Variants in UTP3 observed in about 807,000 individuals in gnomAD.
The protein encoded by UTP3 is UTP3 small subunit processome component, also known as something about silencing protein 10.
A neutral mutation model predicts 37.9 loss-of-function variants in UTP3; 19 were observed. The ratio of observed to expected loss-of-function variants is 0.50; its 90% CI spans 0.35 to 0.74. UTP3 has a LOEUF of 0.74. UTP3 is among the 30% of genes least tolerant of loss of function. The pLI is 0.01. For missense variants in UTP3, 504 were observed against 570.7 expected, an observed-to-expected ratio of 0.88 and a Z score of 1.19; for synonymous variants, 242 against 218.5, an observed-to-expected ratio of 1.11 and a Z score of -0.95.
chr4:70,689,406 G>A lies in UTP3; in HGVS notation c.729G>A (p.Glu243=), dbSNP rs1739574912. The change falls in exon 1 of 1, where the codon GAG becomes GAA. Residue 243 remains glutamate (E), a synonymous_variant. Coordinates refer to ENST00000254803, the MANE Select transcript of UTP3 (RefSeq NM_020368.3). ...TCAAGTTGACAGAGGTTAAGGATGA[G>A]CTGGAGCCATTGTTAGAGTTGGTGG... The part of the protein sequence containing the change: ...LKVKLTEVKD[E]LEPLLELVEQ... The A allele has an allele frequency of 3.7e-6, 6 of 1,614,186 alleles. No homozygotes were observed. Among genetic ancestry groups the A allele is most frequent in the South Asian group, 1.1e-5 (1 of 91,088 alleles).
chr4:70,689,221 G>T lies in UTP3; in HGVS notation c.544G>T (p.Gly182Cys). The change falls in exon 1 of 1, where the codon GGT becomes TGT. Residue 182 changes from glycine to cysteine, a missense_variant. Transcript: ENST00000254803. Reference protein sequence around the residue: ...LAQALQEDDFGVAWVEAFAKP... With the variant: ...LAQALQEDDFCVAWVEAFAKP... ...CCAAGCGCTGCAAGAGGATGATTTT[G>T]GTGTCGCCTGGGTTGAGGCCTTTGC... The T allele has an allele frequency of 6.2e-7, 1 of 1,614,138 alleles. No homozygotes were observed. Among genetic ancestry groups the T allele is most frequent in the East Asian group, 2.2e-5 (1 of 44,882 alleles).
In UTP3 at chr4:70,688,902, C is replaced by A. The variant is rs1322183955; in HGVS notation, c.225C>A (p.Gly75=). ...TACAGAGTGGAGACGAGGAGGATGG[C>A]GAGGAGGAGGAGGAGGAGGTGCTAG... The part of the protein sequence containing the change: ...NEVQSGDEED[G]EEEEEEVLAL... Residue 75 remains glycine (G), a synonymous_variant, in exon 1 of 1, where the codon GGC becomes GGA. Transcript: ENST00000254803. 8 of 1,611,348 alleles carry A rather than the reference C, an allele frequency of 5.0e-6. No individual in the cohort carries two copies. In the East Asian group the frequency reaches 1.8e-4, roughly 36 times the overall value.
Position 70,690,372 on chromosome 4 carries a change from C to G in UTP3, c.*255C>G. ...TAAGTATTAGCTTAGGGAAATTTCA[C>G]AGTTCATTGTGGAGTGTTAAACTTA... On this transcript the variant is annotated 3_prime_UTR_variant, in exon 1 of 1. Coordinates refer to ENST00000254803, the MANE Select transcript of UTP3 (RefSeq NM_020368.3). The G allele has an allele frequency of 3.6e-6, 1 of 280,724 alleles. No individual in the cohort carries two copies. The highest frequency in any genetic ancestry group is 6.8e-6 in the Non-Finnish European group (1 of 147,080). The allele number at this position is 280,724 out of a possible 1,614,324, so 17.4% of individuals were successfully genotyped here. A position where few individuals can be genotyped will look rare whatever the true frequency, so the allele number is the denominator to read the frequency against.
rs16845387 is a variant in UTP3, at chr4:70,688,761, T to C, written c.84T>C (p.Asn28=). The stretch of plus-strand genomic sequence containing the variant: ...CAGGTCCCACGCTCACCGACGAAAA[T>C]GGAGATGATTTAGGATTGCCACCCT... ...AKAGPTLTDE[N]GDDLGLPPSP... Residue 28 remains asparagine, a synonymous_variant, in exon 1 of 1, where the codon AAT becomes AAC. Transcript: ENST00000254803. 2,764 of 1,613,438 alleles carry C rather than the reference T, an allele frequency of 1.7e-3. 37 individuals carry two copies. The African/African-American group carries it at 0.03, about 18-fold the overall frequency.
Position 70,689,302 on chromosome 4 carries a change from A to T in UTP3, c.625A>T (p.Lys209Ter). ...GACACGGGTCGTGAAGGATTTGGCT[A>T]AAGTTTCAGTGAAAGAGAAGCTGAA... is the stretch of plus-strand genomic sequence containing the variant. ...AETRVVKDLA[K>*]VSVKEKLKML... is the part of the protein sequence containing the mutation. The change falls in exon 1 of 1, where the codon AAA (lysine) becomes TAA (stop). Residue 209 changes from lysine (K) to a stop codon, truncating the protein, a stop_gained. Coordinates refer to ENST00000254803, the MANE Select transcript of UTP3 (RefSeq NM_020368.3). LOFTEE classifies it high-confidence loss of function. The T allele has an allele frequency of 6.2e-7, 1 of 1,614,204 alleles. No individual in the cohort carries two copies. Among genetic ancestry groups the T allele is most frequent in the Admixed American group, 1.7e-5 (1 of 60,014 alleles).
rs778298651 is a variant in UTP3, at chr4:70,689,690, T to C, written c.1013T>C (p.Ile338Thr). 1.2e-6 allele frequency: 2 copies of C among 1,614,192 alleles called. No homozygotes were observed. Among genetic ancestry groups the C allele is most frequent in the Admixed American group, 1.7e-5 (1 of 60,014 alleles). ...GATGATGCTGTAAAGAAAGAACTGA[T>C]TCCAAAAGCAAAATCCACCAAGCCC... is the stretch of plus-strand genomic sequence containing the variant. The part of the protein sequence containing the change: ...LKDDAVKKEL[I>T]PKAKSTKPKP... Residue 338 changes from isoleucine to threonine, a missense_variant, in exon 1 of 1, where the codon ATT (isoleucine) becomes ACT (threonine). By Grantham distance (89) the Ile-to-Thr change is moderately conservative (BLOSUM62 -1). Transcript: ENST00000254803.
Position 70,689,993 on chromosome 4 carries a change from A to C in UTP3, c.1316A>C (p.Lys439Thr). Residue 439 changes from lysine to threonine, a missense_variant, in exon 1 of 1, where the codon AAG becomes ACG. By Grantham distance (78) the Lys-to-Thr change is moderately conservative. Transcript: ENST00000254803. The stretch of plus-strand genomic sequence containing the variant: ...AATCCCAGAGTGAAACACAGAGAGA[A>C]GTTCAGAAGAGCCAAAATTAGAAGA... ...DRNPRVKHRE[K>T]FRRAKIRRRG... 1.2e-6 allele frequency: 2 copies of C among 1,614,172 alleles called. No individual in the cohort carries two copies. Among genetic ancestry groups the C allele is most frequent in the Non-Finnish European group, 1.7e-6 (2 of 1,180,034 alleles).
At position 70,689,202 on chromosome 4, in the gene UTP3, G is replaced by A. The variant is rs755854738; in HGVS notation, c.525G>A (p.Ala175=). ...TCATTCAGCGGCGCCTAGCCCAAGC[G>A]CTGCAAGAGGATGATTTTGGTGTCG... ...AQIIQRRLAQ[A]LQEDDFGVAW... Residue 175 remains alanine (A), a synonymous_variant, in exon 1 of 1, where the codon GCG becomes GCA. Transcript: ENST00000254803. 15 of 1,614,116 alleles carry A rather than the reference G, an allele frequency of 9.3e-6. No individual in the cohort carries two copies. The East Asian group carries it at 1.3e-4, about 14-fold the overall frequency.
chr4:70,689,041 T>G lies in UTP3; in HGVS notation c.364T>G (p.Ser122Ala). 1 of 1,589,290 alleles carries G rather than the reference T, an allele frequency of 6.3e-7. No homozygotes were observed. The highest frequency in any genetic ancestry group is 8.6e-7 in the Non-Finnish European group (1 of 1,166,820). Residue 122 changes from serine to alanine, a missense_variant, in exon 1 of 1, where the codon TCT (serine) becomes GCT (alanine). Coordinates refer to ENST00000254803, the MANE Select transcript of UTP3 (RefSeq NM_020368.3). ...CTCCGTGCAAAGTGAAGCTGAGGCC[T>G]CTGTGGATCCCAGTTTGTCGTGGGG... ...GSSVQSEAEA[S>A]VDPSLSWGQR...
chr4:70,689,508 G>A lies in UTP3; in HGVS notation c.831G>A (p.Ser277=). ...TKYNLYLNYC[S]NISFYLILKA... is the part of the protein sequence containing the mutation. ...ACAACCTCTACTTGAATTATTGCTC[G>A]AACATCAGTTTTTATTTGATCCTGA... The change falls in exon 1 of 1, where the codon TCG becomes TCA. Residue 277 remains serine (S), a synonymous_variant. Transcript: ENST00000254803. 4 of 1,614,184 alleles carry A rather than the reference G, an allele frequency of 2.5e-6. No individual in the cohort carries two copies. The highest frequency in any genetic ancestry group is 1.1e-5 in the South Asian group (1 of 91,072).
rs752014858 is a variant in UTP3 at position 70,689,869 on chromosome 4, G to A, written c.1192G>A (p.Glu398Lys). Reference sequence around the variant, plus strand: ...GAGAAAGAAAGAAGAAAATAGCACTGAAGAACAGGCTCTTGAAGATCAAAA... The same window carrying A: ...GAGAAAGAAAGAAGAAAATAGCACTAAAGAACAGGCTCTTGAAGATCAAAA... ...LKRKKEENST[E>K]EQALEDQNAK... The change falls in exon 1 of 1, where the codon GAA becomes AAA. Residue 398 changes from glutamate to lysine, a missense_variant. Glu to Lys is a moderately conservative substitution (Grantham distance 56). Coordinates refer to ENST00000254803, the MANE Select transcript of UTP3 (RefSeq NM_020368.3). The A allele has an allele frequency of 6.2e-7, 1 of 1,614,050 alleles. No homozygotes were observed. The highest frequency in any genetic ancestry group is 8.5e-7 in the Non-Finnish European group (1 of 1,180,006).
In UTP3 at chr4:70,689,778, T is replaced by C. The variant is rs1435469031; in HGVS notation, c.1101T>C (p.Asp367=). The stretch of plus-strand genomic sequence containing the variant: ...GTGCTGTTACAGATCTTTCTGATGA[T>C]TCTGATTTTGATGAAAAAGCAAAAC... ...AACAVTDLSD[D]SDFDEKAKLK... Residue 367 remains aspartate, a synonymous_variant, in exon 1 of 1, where the codon GAT becomes GAC. Transcript: ENST00000254803. The C allele has an allele frequency of 6.2e-6, 10 of 1,613,288 alleles. No individual in the cohort carries two copies. Among genetic ancestry groups the C allele is most frequent in the Non-Finnish European group, 1.7e-6 (2 of 1,179,880 alleles).
In UTP3 at chr4:70,689,672, C is replaced by T; in HGVS notation, c.995C>T (p.Ala332Val). Residue 332 changes from alanine to valine, a missense_variant, in exon 1 of 1, where the codon GCT becomes GTT. Transcript: ENST00000254803. ...IRHLLTLKDDAVKKELIPKAK... is the reference protein window; with the variant it reads ...IRHLLTLKDDVVKKELIPKAK... The stretch of plus-strand genomic sequence containing the variant: ...CATCTGTTGACACTTAAGGATGATG[C>T]TGTAAAGAAAGAACTGATTCCAAAA... 6.2e-7 allele frequency: 1 copy of T among 1,614,202 alleles called. No homozygotes were observed.
In UTP3 at chr4:70,689,479, A is replaced by G; in HGVS notation, c.802A>G (p.Lys268Glu). The G allele has an allele frequency of 6.2e-7, 1 of 1,614,224 alleles. No individual in the cohort carries two copies. Among genetic ancestry groups the G allele is most frequent in the African/African-American group, 1.3e-5 (1 of 75,052 alleles). ...AAAAGGAAGCCAATACTTGAGGACCAAGTACAACCTCTACTTGAATTATTG... is the reference window on the plus strand; with the variant it reads ...AAAAGGAAGCCAATACTTGAGGACCGAGTACAACCTCTACTTGAATTATTG... Reference protein sequence around the residue: ...PGKGSQYLRTKYNLYLNYCSN... With the variant: ...PGKGSQYLRTEYNLYLNYCSN... Residue 268 changes from lysine to glutamate, a missense_variant, in exon 1 of 1, where the codon AAG becomes GAG. Physicochemically the swap from Lys to Glu is moderately conservative, Grantham distance 56 (BLOSUM62 1). Coordinates refer to ENST00000254803, the MANE Select transcript of UTP3 (RefSeq NM_020368.3).
In UTP3 at chr4:70,688,973, GGGAGGA is replaced by G. The variant is rs61104402; in HGVS notation, c.310_315del (p.Glu104_Glu105del). 2.3e-5 allele frequency: 36 copies of G among 1,599,932 alleles called. No homozygotes were observed. The highest frequency in any genetic ancestry group is 1.6e-4 in the African/African-American group (12 of 74,536). ...GACGACGAAGATGGAGGGAATGCGG[GGGAGGA>G]GGAGGAGGAGGAGAATGCCGATGAT... On this transcript the variant is annotated inframe_deletion, in exon 1 of 1. Coordinates refer to ENST00000254803, the MANE Select transcript of UTP3 (RefSeq NM_020368.3).
In UTP3 at chr4:70,689,138, C is replaced by CAGAGGAGGAGGAAAG. The variant is rs1179322303; in HGVS notation, c.474_488dup (p.Arg159_Glu163dup). On this transcript the variant is annotated inframe_insertion, in exon 1 of 1. Transcript: ENST00000254803. ...CGAGGCCGGCAGAGTCAACAGGAGGCAGAGGAGGAGGAAAGAGAGGAGGAG... is the reference window on the plus strand; with the variant it reads ...CGAGGCCGGCAGAGTCAACAGGAGGCAGAGGAGGAGGAAAGAGAGGAGGAGGAAAGAGAGGAGGAG... 6.2e-7 allele frequency: 1 copy of CAGAGGAGGAGGAAAG among 1,611,700 alleles called. No individual in the cohort carries two copies. Among genetic ancestry groups the CAGAGGAGGAGGAAAG allele is most frequent in the Non-Finnish European group, 8.5e-7 (1 of 1,179,362 alleles).
rs1407163093 is a variant in UTP3, at chr4:70,688,933, G to GAT, written c.259_260dup (p.Met87IlefsTer87). 2 of 1,610,950 alleles carry GAT rather than the reference G, an allele frequency of 1.2e-6. No individual in the cohort carries two copies. The highest frequency in any genetic ancestry group is 2.7e-5 in the African/African-American group (2 of 74,692). On this transcript the variant is annotated frameshift_variant, in exon 1 of 1. Coordinates refer to ENST00000254803, the MANE Select transcript of UTP3 (RefSeq NM_020368.3). LOFTEE classifies it high-confidence loss of function. Reference sequence around the variant, plus strand: ...GGAGGAGGAGGAGGTGCTAGCCCTAGATATGGACGATGAGGACGACGAAGA... The same window carrying GAT: ...GGAGGAGGAGGAGGTGCTAGCCCTAGATATATGGACGATGAGGACGACGAAGA...
Position 70,689,948 on chromosome 4 carries a change from G to A in UTP3, c.1271G>A (p.Arg424Lys). The part of the protein sequence containing the change: ...QIAKNRGLTP[R>K]RKKIDRNPRV... ...GCTAAAAATAGGGGACTTACTCCTAGGAGAAAGAAGATTGATCGCAATCCC... is the reference window on the plus strand; with the variant it reads ...GCTAAAAATAGGGGACTTACTCCTAAGAGAAAGAAGATTGATCGCAATCCC... The change falls in exon 1 of 1, where the codon AGG becomes AAG. Residue 424 changes from arginine (R) to lysine (K), a missense_variant. Arg to Lys is a conservative substitution (Grantham distance 26). Transcript: ENST00000254803. 6.2e-7 allele frequency: 1 copy of A among 1,614,048 alleles called. No individual in the cohort carries two copies. Among genetic ancestry groups the A allele is most frequent in the Non-Finnish European group, 8.5e-7 (1 of 1,180,014 alleles).
Position 70,688,537 on chromosome 4 carries a change from C to T in UTP3, c.-141C>T. On this transcript the variant is annotated 5_prime_UTR_variant, in exon 1 of 1. Transcript: ENST00000254803. Reference sequence around the variant, plus strand: ...CGGAAGGAAGAGGAAATTCCAGTAGCCGATCAGGAGTCTGCAAACTCCGGT... The same window carrying T: ...CGGAAGGAAGAGGAAATTCCAGTAGTCGATCAGGAGTCTGCAAACTCCGGT... 2.5e-6 allele frequency: 2 copies of T among 805,506 alleles called. No homozygotes were observed. The highest frequency in any genetic ancestry group is 3.8e-6 in the Non-Finnish European group (2 of 523,712). The allele number at this position is 805,506 out of a possible 1,614,324, so 49.9% of individuals were successfully genotyped here. A position where few individuals can be genotyped will look rare whatever the true frequency, so the allele number is the denominator to read the frequency against.
Sources: allele counts gnomAD v4.1 joint callset, GRCh38; gene constraint gnomAD v4.1.1; transcripts MANE v1.5; gene names NCBI Gene and HGNC (gene_info 2026-07-23, HGNC 2026-07-21).